The following GTF2IRD1 variants were observed in gnomAD, a reference collection of about 807,000 sequenced individuals.
GTF2IRD1 encodes GTF2I repeat domain containing 1.
GTF2IRD1 carries 26 observed loss-of-function variants against 113.2 expected under a neutral mutation model. The ratio of observed to expected loss-of-function variants is 0.23; its 90% CI spans 0.17 to 0.32. GTF2IRD1 has a LOEUF of 0.32. Ranked by LOEUF, GTF2IRD1 falls within the 10% of genes least tolerant of loss-of-function variation. The pLI is 1.00. For synonymous variants in GTF2IRD1, 484 were observed against 529.1 expected, an observed-to-expected ratio of 0.91 and a Z score of 1.17; for missense variants, 864 against 1,280.8, an observed-to-expected ratio of 0.67 and a Z score of 4.97.
Position 74,602,591 on chromosome 7 carries a change from G to GA in GTF2IRD1, c.*172dup, listed in dbSNP as rs56797334. 3,214 of 370,744 alleles carry GA rather than the reference G, an allele frequency of 8.7e-3. No homozygotes were observed. The highest frequency in any genetic ancestry group is 0.012 in the South Asian group (242 of 19,490). 23.0% of individuals were successfully genotyped at this position (370,744 alleles called of 1,614,324 possible). On this transcript the variant is annotated 3_prime_UTR_variant, in exon 27 of 27. Coordinates refer to ENST00000424337, the MANE Select transcript of GTF2IRD1 (RefSeq NM_005685.4). ...AGGCCTTTTTAAATAAGTAAAAAAA[G>GA]AAAAAAAAAAAAAAGAGTGTTGCCT...
At chr7:74,572,295 G>A (rs1252965581) in intron 22 of GTF2IRD1, among the ~76,000 whole-genome samples, 7 of 152,092 alleles carry the variant, frequency 4.6e-5, no homozygotes, top group African/African-American at 1.7e-4. Context: ...TCACTTCTGA[G>A]CTGTGTGATC....
intron 1 of GTF2IRD1, among the ~76,000 whole-genome samples, chr7:74,477,961 G>A (rs1794520053): frequency 6.6e-6 from 1 of 152,218 alleles, no homozygotes; most frequent in Non-Finnish European, 1.5e-5. Context: ...CCCCTGCACT[G>A]CCTGGCCCCA....
chr7:74,510,564 C>T (rs1252620045), intron 2 of GTF2IRD1, among the ~76,000 whole-genome samples: 1 of 151,698 alleles, frequency 6.6e-6, no homozygotes, highest in Non-Finnish European at 1.5e-5. Flanking sequence ...CTGCCTCAGC[C>T]TCCCAAAGTG....
At chr7:74,561,881 G>A (rs1165028503) in intron 22 of GTF2IRD1, among the ~76,000 whole-genome samples, 1 of 152,162 alleles carries the variant, frequency 6.6e-6, no homozygotes, top group Non-Finnish European at 1.5e-5. Flanking sequence ...CCTTACAGAG[G>A]GGGAGACTGA....
chr7:74,459,971 CTTTTTT>C (rs782397218), intron 1 of GTF2IRD1, among the ~76,000 whole-genome samples: 1 of 142,332 alleles, frequency 7.0e-6, no homozygotes, highest in Non-Finnish European at 1.5e-5. Context: ...TGAATCTTGG[CTTTTTT>C]TTTTTTAATT....
At chr7:74,468,767 A>T (rs547906275) in intron 1 of GTF2IRD1, among the ~76,000 whole-genome samples, 1 of 149,152 alleles carries the variant, frequency 6.7e-6, no homozygotes, top group Admixed American at 6.7e-5. Context: ...TTAAACAAAA[A>T]GGAGTTTATT....
intron 17 of GTF2IRD1, among the ~76,000 whole-genome samples, chr7:74,554,659 C>T (rs1464711318): frequency 6.6e-6 from 1 of 152,162 alleles, no homozygotes; most frequent in East Asian, 1.9e-4. Context: ...CTCCCTCAGC[C>T]TCCCAAGTAG....
intron 22 of GTF2IRD1, among the ~76,000 whole-genome samples, chr7:74,565,695 C>T (rs1464893687): frequency 6.6e-6 from 1 of 151,984 alleles, no homozygotes; most frequent in East Asian, 1.9e-4. Flanking sequence ...GGGGGTCGGG[C>T]ATGGTGGCTC....
At chr7:74,594,208 AAATT>A (rs1309088293) in intron 24 of GTF2IRD1, among the ~76,000 whole-genome samples, 3 of 151,538 alleles carry the variant, frequency 2.0e-5, no homozygotes, top group African/African-American at 4.8e-5. Context: ...CAAAAAAAAA[AAATT>A]AATTAATAAA....
At chr7:74,539,747 CCA>C in intron 13 of GTF2IRD1, 130 bp from the exon 14 acceptor site, 1 of 603,256 alleles carries the variant, frequency 1.7e-6, no homozygotes, top group Non-Finnish European at 2.9e-6. Context: ...CCATCTCAAA[CCA>C]AAAAAAAAAA....
At chr7:74,490,547 C>T (rs2355322) in intron 1 of GTF2IRD1, among the ~76,000 whole-genome samples, 7,095 of 151,396 alleles carry the variant, frequency 0.047, 256 homozygotes, top group Non-Finnish European at 0.076. Context: ...AGGATACCCC[C>T]CCCCCCGCCC....
At chr7:74,576,178 C>T (rs1303692644) in intron 22 of GTF2IRD1, among the ~76,000 whole-genome samples, 1 of 151,796 alleles carries the variant, frequency 6.6e-6, no homozygotes. Flanking sequence ...AAATAAATTA[C>T]CTAAACGTAG....
At chr7:74,569,260 G>T (rs782111624) in intron 22 of GTF2IRD1, among the ~76,000 whole-genome samples, 2 of 152,206 alleles carry the variant, frequency 1.3e-5, no homozygotes, top group Non-Finnish European at 2.9e-5. Flanking sequence ...ACGTCCACGC[G>T]TGCCAGACCC....
chr7:74,525,315 C>G (rs2130369232), intron 8 of GTF2IRD1, among the ~76,000 whole-genome samples: 1 of 152,290 alleles, frequency 6.6e-6, no homozygotes, highest in Non-Finnish European at 1.5e-5. Flanking sequence ...ATGGTTCCCT[C>G]TCTGTGACAC....
chr7:74,574,967 A>G (rs587728086), intron 22 of GTF2IRD1, among the ~76,000 whole-genome samples: 16 of 152,146 alleles, frequency 1.1e-4, no homozygotes, highest in Middle Eastern at 3.4e-3. Context: ...ACACACACCT[A>G]TAATCCCAGC....
chr7:74,513,052 C>T, intron 3 of GTF2IRD1, 81 bp downstream of exon 3: 1 of 1,381,466 alleles, frequency 7.2e-7, no homozygotes, highest in East Asian at 2.3e-5. Flanking sequence ...GGTCCCCAAC[C>T]CTGTCTAGCC....
chr7:74,558,347 C>CTTTTTTTTTTTTTTTTTTTTTTTTTTTTT (rs1193682168), intron 20 of GTF2IRD1, among the ~76,000 whole-genome samples: 2 of 60,458 alleles, frequency 3.3e-5, no homozygotes, highest in Non-Finnish European at 5.8e-5. Context: ...TCTTTCGTTT[C>CTTTTTTTTTTTTTTTTTTTTTTTTTTTTT]TTTTTTTTTT....
Position 74,454,391 on chromosome 7 carries a change from C to T in GTF2IRD1, c.-7+215C>T, listed in dbSNP as rs565307365. 2.6e-5 allele frequency among the ~76,000 whole-genome samples: 4 copies of T among 151,556 alleles called. No individual in the cohort carries two copies. The East Asian group carries it at 7.9e-4, about 30-fold the overall frequency. On this transcript the variant is annotated intron_variant, in intron 1 of 26. Coordinates refer to ENST00000424337, the MANE Select transcript of GTF2IRD1 (RefSeq NM_005685.4). Reference sequence around the variant, plus strand: ...GGGGAGGGGAGGGACGGCCGCCCCCCACCTGCCCGGGAGGGGCCGGGAGCT... The same window carrying T: ...GGGGAGGGGAGGGACGGCCGCCCCCTACCTGCCCGGGAGGGGCCGGGAGCT...
At chr7:74,584,364 G>A (rs1322245650) in intron 22 of GTF2IRD1, among the ~76,000 whole-genome samples, 52 of 152,054 alleles carry the variant, frequency 3.4e-4, no homozygotes, top group African/African-American at 1.2e-3. Context: ...AGAATCACTC[G>A]AACCCGGTAG....
Sources: allele counts gnomAD v4.1 joint callset (sites outside exome capture counted in the v4.1 genomes callset), GRCh38; gene constraint gnomAD v4.1.1; transcripts MANE v1.5; gene names NCBI Gene and HGNC (gene_info 2026-07-23, HGNC 2026-07-21).